RBFOX1: variants seen among roughly 807,000 people sequenced by gnomAD.
The protein encoded by RBFOX1 is RNA binding fox-1 homolog 1.
A neutral mutation model predicts 57.7 loss-of-function variants in RBFOX1; 8 were observed. The ratio of observed to expected loss-of-function variants is 0.14; its 90% CI spans 0.08 to 0.25. RBFOX1 has a LOEUF of 0.25. RBFOX1 is among the 10% of genes least tolerant of loss of function. The pLI, the probability that RBFOX1 is intolerant of heterozygous loss-of-function variation, is 1.00. For missense variants in RBFOX1, 611 were observed against 548.5 expected, an observed-to-expected ratio of 1.11 and a Z score of -1.14; for synonymous variants, 326 against 222.4, an observed-to-expected ratio of 1.47 and a Z score of -4.15.
chr16:5,772,045 G>A (rs536891976), intron 3 of RBFOX1, among the ~76,000 whole-genome samples: 1 of 152,092 alleles, frequency 6.6e-6, no homozygotes. Context: ...GGCAGCACAT[G>A]CCTGTAATCC....
chr16:6,399,062 C>A (rs912735871), intron 2 of RBFOX1, among the ~76,000 whole-genome samples: 1 of 152,226 alleles, frequency 6.6e-6, no homozygotes, highest in Non-Finnish European at 1.5e-5. Context: ...CCCACAGGAG[C>A]AATACCACGT....
At chr16:6,136,883 G>T (rs1027735310) in intron 1 of RBFOX1, among the ~76,000 whole-genome samples, 3 of 152,108 alleles carry the variant, frequency 2.0e-5, no homozygotes, top group Non-Finnish European at 4.4e-5. Context: ...AGCTATTTCA[G>T]TTTTCTGAAA....
At chr16:6,465,699 C>T (rs1349585033) in intron 2 of RBFOX1, among the ~76,000 whole-genome samples, 2 of 148,120 alleles carry the variant, frequency 1.4e-5, no homozygotes, top group African/African-American at 5.0e-5. Context: ...TCTGTATTGC[C>T]TGTGGTCATT....
chr16:5,341,038 A>G (rs2065020532), intron 1 of RBFOX1, among the ~76,000 whole-genome samples: 1 of 152,182 alleles, frequency 6.6e-6, no homozygotes, highest in South Asian at 2.1e-4. Context: ...GATGCCTAGG[A>G]AGAAGAGTAT....
intron 3 of RBFOX1, among the ~76,000 whole-genome samples, chr16:6,827,026 G>A (rs2092239294): frequency 2.6e-5 from 4 of 152,150 alleles, no homozygotes; most frequent in Admixed American, 2.6e-4. Flanking sequence ...TTTTAGTCTG[G>A]GGAGAAAGCA....
intron 1 of RBFOX1, among the ~76,000 whole-genome samples, chr16:5,452,941 CT>C (rs1201539313): frequency 6.6e-6 from 1 of 152,126 alleles, no homozygotes; most frequent in African/African-American, 2.4e-5. Flanking sequence ...GAAACCTTGA[CT>C]TTTTTACTTG....
chr16:5,304,799 C>G (rs1360214780), intron 1 of RBFOX1, among the ~76,000 whole-genome samples: 3 of 151,732 alleles, frequency 2.0e-5, no homozygotes, highest in South Asian at 2.1e-4. Context: ...GAGCTGAGAC[C>G]TCGAGGACTG....
intron 4 of RBFOX1, among the ~76,000 whole-genome samples, chr16:7,091,376 T>A (rs1599220812): frequency 6.6e-6 from 1 of 152,098 alleles, no homozygotes; most frequent in Non-Finnish European, 1.5e-5. Flanking sequence ...TTTTTTTTTT[T>A]AGAAATATCA....
chr16:6,361,743 G>A (rs1250422319), intron 2 of RBFOX1, among the ~76,000 whole-genome samples: 1 of 152,058 alleles, frequency 6.6e-6, no homozygotes, highest in Admixed American at 6.6e-5. Context: ...CAGAATGTCT[G>A]GAATGAGGGC....
intron 15 of RBFOX1, 112 bp from the exon 16 acceptor site, chr16:7,710,511 C>A: frequency 1.3e-6 from 2 of 1,568,050 alleles, no homozygotes; most frequent in Non-Finnish European, 1.7e-6. Context: ...GTAGGGGGTG[C>A]CTCCATTTCG....
intron 3 of RBFOX1, among the ~76,000 whole-genome samples, chr16:5,740,657 G>T (rs1018584740): frequency 2.9e-4 from 44 of 152,180 alleles, no homozygotes; most frequent in African/African-American, 1.0e-3. Context: ...GATAGGCTCT[G>T]TTGTTTTTCT....
chr16:7,183,172 G>T (rs1227356365), intron 4 of RBFOX1, among the ~76,000 whole-genome samples: 1 of 152,188 alleles, frequency 6.6e-6, no homozygotes, highest in Non-Finnish European at 1.5e-5. Flanking sequence ...AGAGTGGGTT[G>T]AGTCAGATAG....
intron 4 of RBFOX1, among the ~76,000 whole-genome samples, chr16:7,407,476 A>G (rs1345282773): frequency 1.3e-5 from 2 of 152,030 alleles, no homozygotes; most frequent in Non-Finnish European, 2.9e-5. Context: ...TCAGACAGGT[A>G]TGATTATCAT....
chr16:6,550,913 G>A (rs560845847), intron 2 of RBFOX1, among the ~76,000 whole-genome samples: 3 of 152,154 alleles, frequency 2.0e-5, no homozygotes, highest in South Asian at 2.1e-4. Context: ...GTGAATACTC[G>A]GGCAACTCAA....
At chr16:6,790,769 G>A (rs893307442) in intron 3 of RBFOX1, among the ~76,000 whole-genome samples, 3 of 152,108 alleles carry the variant, frequency 2.0e-5, no homozygotes, top group Non-Finnish European at 4.4e-5. Context: ...CTTGTCAAAA[G>A]CTCAGGATGG....
At chr16:6,653,068 T>C (rs76766791) in intron 2 of RBFOX1, among the ~76,000 whole-genome samples, 5,527 of 152,252 alleles carry the variant, frequency 0.036, 254 homozygotes, top group East Asian at 0.1. Context: ...TTCCAGTGCA[T>C]TTCCCCCTTG....
chr16:5,967,540 A>T (rs1000085768), intron 4 of RBFOX1, among the ~76,000 whole-genome samples: 1 of 152,178 alleles, frequency 6.6e-6, no homozygotes, highest in Non-Finnish European at 1.5e-5. Flanking sequence ...CATCGTTTCT[A>T]TGCCTTTATA....
chr16:6,667,318 C>G (rs1568127312), intron 3 of RBFOX1, among the ~76,000 whole-genome samples: 1 of 152,052 alleles, frequency 6.6e-6, no homozygotes, highest in African/African-American at 2.4e-5. Context: ...GTCTCATACA[C>G]CTTCAGTCAC....
intron 2 of RBFOX1, among the ~76,000 whole-genome samples, chr16:6,472,401 C>T (rs1038572780): frequency 6.6e-6 from 1 of 152,144 alleles, no homozygotes; most frequent in Non-Finnish European, 1.5e-5. Context: ...GTCAGGGATG[C>T]CCCCAAGCAT....
Sources: gnomAD v4.1 joint callset for allele counts (sites outside exome capture counted in the v4.1 genomes callset) on GRCh38, gnomAD v4.1.1 for gene constraint, MANE v1.5 for transcripts, NCBI Gene and HGNC (gene_info 2026-07-23, HGNC 2026-07-21) for gene names.